The following WDR36 variants were observed in gnomAD, a reference collection of about 807,000 sequenced individuals.
WDR36 encodes WD repeat-containing protein 36.
Under a neutral mutation model 112.7 loss-of-function variants are expected in WDR36, and 63 were observed. The observed-to-expected ratio is 0.56, with a 90% CI of 0.46 to 0.69. The LOEUF (loss-of-function observed/expected upper bound fraction) is 0.69. Ranked by LOEUF, WDR36 falls within the 30% of genes least tolerant of loss-of-function variation. The pLI, the probability that WDR36 is intolerant of heterozygous loss-of-function variation, is 0.00. For missense variants in WDR36, 1,226 were observed against 1,070.3 expected, an observed-to-expected ratio of 1.15 and a Z score of -2.03; for synonymous variants, 410 against 362.2, an observed-to-expected ratio of 1.13 and a Z score of -1.50.
intron 4 of WDR36, 31 bp from the exon 5 acceptor site, chr5:111,100,558 T>TA: frequency 1.4e-6 from 2 of 1,381,472 alleles, no homozygotes; most frequent in Non-Finnish European, 2.0e-6. Flanking sequence ...AACTATTTTA[T>TA]AAAAAATATT....
chr5:111,122,419 AAG>A (rs1484372487), intron 19 of WDR36, among the ~76,000 whole-genome samples: 1 of 152,236 alleles, frequency 6.6e-6, no homozygotes, highest in Non-Finnish European at 1.5e-5. Context: ...TGCTGAATAA[AAG>A]AGAATGTACC....
chr5:111,112,809 C>T lies in WDR36; in HGVS notation c.1717-265C>T, dbSNP rs373408850. Reference sequence around the variant, plus strand: ...AAATTAATGCAGTACACTTTTTTAACTTTTAATAATTCATTTAAAAGTCTA... The same window carrying T: ...AAATTAATGCAGTACACTTTTTTAATTTTTAATAATTCATTTAAAAGTCTA... On this transcript the variant is annotated intron_variant, in intron 15 of 22. Coordinates refer to ENST00000513710, the MANE Select transcript of WDR36 (RefSeq NM_139281.3). Among the ~76,000 whole-genome samples, 11 of 151,570 alleles carry T rather than the reference C, an allele frequency of 7.3e-5. No homozygotes were observed. The East Asian group carries it at 1.9e-3, about 27-fold the overall frequency.
chr5:111,103,043 C>T (rs1246250318), intron 6 of WDR36, among the ~76,000 whole-genome samples: 1 of 151,556 alleles, frequency 6.6e-6, no homozygotes, highest in Non-Finnish European at 1.5e-5. Context: ...ATCCAGAAGA[C>T]TCCATAAGTA....
At chr5:111,118,431 A>G (rs1403268082) in intron 16 of WDR36, among the ~76,000 whole-genome samples, 1 of 152,158 alleles carries the variant, frequency 6.6e-6, no homozygotes, top group Admixed American at 6.6e-5. Context: ...GTTTAAAGCT[A>G]TGGGACTAGT....
intron 9 of WDR36, 151 bp from the exon 10 acceptor site, chr5:111,105,144 T>C: frequency 1.3e-6 from 1 of 787,798 alleles, no homozygotes; most frequent in East Asian, 2.7e-5. Flanking sequence ...AAGTTGAATA[T>C]TTTAATGAAG....
At chr5:111,122,878 A>G (rs187772755) in intron 19 of WDR36, among the ~76,000 whole-genome samples, 1 of 152,284 alleles carries the variant, frequency 6.6e-6, no homozygotes, top group Admixed American at 6.5e-5. Flanking sequence ...TGGGAGGCTG[A>G]AATGGTTGAT....
rs1388658444 is a variant in WDR36 at position 111,128,075 on chromosome 5, T to TA, written c.*1193dup. Reference sequence around the variant, plus strand: ...CTCATCATCATTGTTTTGTTTTTTTTATGGTTCAAGACTTTTGCAATACAT... The same window carrying TA: ...CTCATCATCATTGTTTTGTTTTTTTTAATGGTTCAAGACTTTTGCAATACAT... On this transcript the variant is annotated 3_prime_UTR_variant, in exon 23 of 23. Coordinates refer to ENST00000513710, the MANE Select transcript of WDR36 (RefSeq NM_139281.3). 2 of 196,046 alleles carry TA rather than the reference T, an allele frequency of 1.0e-5. No individual in the cohort carries two copies. The highest frequency in any genetic ancestry group is 6.1e-5 in the Admixed American group (1 of 16,416). 12.1% of individuals were successfully genotyped at this position (196,046 alleles called of 1,614,324 possible). A position where few individuals can be genotyped will look rare whatever the true frequency, so the allele number is the denominator to read the frequency against.
chr5:111,126,599 A>T, intron 22 of WDR36, 135 bp from the exon 23 acceptor site: 2 of 949,558 alleles, frequency 2.1e-6, no homozygotes, highest in Non-Finnish European at 3.2e-6. Context: ...AAAATGGGAG[A>T]TAGTAATAAA....
At chr5:111,112,241 T>G (rs992934339) in intron 15 of WDR36, among the ~76,000 whole-genome samples, 1 of 151,984 alleles carries the variant, frequency 6.6e-6, no homozygotes, top group African/African-American at 2.4e-5. Context: ...TATCTCGAGT[T>G]TCCCTGCTCA....
rs913335575 is a variant in WDR36, at chr5:111,104,891, A to T, written c.1027+74A>T. On this transcript the variant is annotated intron_variant, in intron 9 of 22. Coordinates refer to ENST00000513710, the MANE Select transcript of WDR36 (RefSeq NM_139281.3). ...GTGGGTGCCCAGTATGAGGTTTGAT[A>T]TTTACACATACTTAGATTCACATAT... 1.4e-5 allele frequency: 22 copies of T among 1,593,330 alleles called. No individual in the cohort carries two copies. In the African/African-American group the frequency reaches 3.0e-4, roughly 21 times the overall value.
At chr5:111,103,983 A>T in intron 7 of WDR36, 65 bp downstream of exon 7, 1 of 1,586,246 alleles carries the variant, frequency 6.3e-7, no homozygotes, top group South Asian at 1.1e-5. Flanking sequence ...TTAAAAGTCA[A>T]TTTTTTTTGT....
chr5:111,128,062 G>C lies in WDR36; in HGVS notation c.*1179G>C, dbSNP rs1012979646. The C allele has an allele frequency of 5.2e-5, 10 of 192,894 alleles. No homozygotes were observed. Among genetic ancestry groups the C allele is most frequent in the Non-Finnish European group, 1.1e-4 (10 of 93,288 alleles). The allele number at this position is 192,894 out of a possible 1,614,324, so 11.9% of individuals were successfully genotyped here. A position where few individuals can be genotyped will look rare whatever the true frequency, so the allele number is the denominator to read the frequency against. On this transcript the variant is annotated 3_prime_UTR_variant, in exon 23 of 23. Coordinates refer to ENST00000513710, the MANE Select transcript of WDR36 (RefSeq NM_139281.3). Reference sequence around the variant, plus strand: ...GTTTTCTTTTTTTCTCATCATCATTGTTTTGTTTTTTTTATGGTTCAAGAC... The same window carrying C: ...GTTTTCTTTTTTTCTCATCATCATTCTTTTGTTTTTTTTATGGTTCAAGAC...
Position 111,110,311 on chromosome 5 carries a change from AT to A in WDR36, c.1441+15del. 4 of 1,600,524 alleles carry A rather than the reference AT, an allele frequency of 2.5e-6. No homozygotes were observed. Among genetic ancestry groups the A allele is most frequent in the African/African-American group, 1.3e-5 (1 of 74,582 alleles). On this transcript the variant is annotated intron_variant, in intron 13 of 22. Transcript: ENST00000513710. ...GTTTTGGCAAGGATCAAGGTAGAGA[AT>A]TTTTTTCCTTGTTTTTTATTAATGT...
intron 19 of WDR36, among the ~76,000 whole-genome samples, chr5:111,121,976 A>G (rs1753576505): frequency 6.6e-6 from 1 of 152,244 alleles, no homozygotes; most frequent in Admixed American, 6.5e-5. Flanking sequence ...TAAGTAACTA[A>G]TAATTATCCT....
rs753938208 is a variant in WDR36, at chr5:111,124,209, A to G, written c.2350+20A>G. The G allele has an allele frequency of 5.7e-6, 9 of 1,569,992 alleles. No individual in the cohort carries two copies. In the South Asian group the frequency reaches 1.0e-4, roughly 18 times the overall value. ...ATAAGTGTAAGTTGAATTATAAGAT[A>G]TTTTAACTAATATATTTAGCTTATT... is the stretch of plus-strand genomic sequence containing the variant. On this transcript the variant is annotated intron_variant, in intron 21 of 22. Transcript: ENST00000513710.
chr5:111,104,142 A>C (rs968181636), intron 7 of WDR36, 35 bp from the exon 8 acceptor site: 2 of 1,573,096 alleles, frequency 1.3e-6, no homozygotes, highest in Non-Finnish European at 1.7e-6. Flanking sequence ...GGGATCTAGA[A>C]GTATTTTTCT....
rs1416138003 is a variant in WDR36 at position 111,102,367 on chromosome 5, G to A, written c.565G>A (p.Gly189Arg). The A allele has an allele frequency of 1.2e-6, 2 of 1,610,014 alleles. No individual in the cohort carries two copies. Among genetic ancestry groups the A allele is most frequent in the Middle Eastern group, 1.7e-4 (1 of 6,018 alleles). ...TAGTAAACTTCTATATACATTTCCA[G>A]GATGGAAAGTTGGAGTGACAGCTCT... ...KSNKLLYTFP[G>R]WKVGVTALQQ... The change falls in exon 6 of 23, where the codon GGA becomes AGA. Residue 189 changes from glycine to arginine, a missense_variant. Physicochemically the swap from Gly to Arg is moderately radical, Grantham distance 125. Coordinates refer to ENST00000513710, the MANE Select transcript of WDR36 (RefSeq NM_139281.3).
intron 1 of WDR36, 57 bp from the exon 2 acceptor site, chr5:111,094,863 A>G: frequency 7.3e-7 from 1 of 1,372,688 alleles, no homozygotes; most frequent in Non-Finnish European, 1.0e-6. Flanking sequence ...TTCAGGTGTT[A>G]GGTTATTATG....
intron 2 of WDR36, 39 bp downstream of exon 2, chr5:111,094,986 A>C: frequency 6.3e-7 from 1 of 1,579,476 alleles, no homozygotes; most frequent in Non-Finnish European, 8.6e-7. Flanking sequence ...GCACATCTAA[A>C]CTTTTTTTTT....
Sources: allele counts gnomAD v4.1 joint callset (sites outside exome capture counted in the v4.1 genomes callset), GRCh38; gene constraint gnomAD v4.1.1; transcripts MANE v1.5; gene names NCBI Gene and HGNC (gene_info 2026-07-23, HGNC 2026-07-21).